Variants in NYAP2 observed in about 807,000 individuals in gnomAD.
NYAP2 encodes neuronal tyrosine-phosphorylated phosphoinositide-3-kinase adapter 2.
NYAP2 carries 23 observed loss-of-function variants against 50.4 expected under a neutral mutation model. The observed-to-expected ratio is 0.46, with a 90% confidence interval of 0.33 to 0.65. The LOEUF (loss-of-function observed/expected upper bound fraction) is 0.65, where lower values mean the gene tolerates loss of function less well. Among genes scored for constraint, NYAP2 ranks in the 30% least tolerant of loss-of-function variants. NYAP2 has a pLI of 0.02. For missense variants in NYAP2, 885 were observed against 861.0 expected, an observed-to-expected ratio of 1.03 and a Z score of -0.35; for synonymous variants, 394 against 365.2, an observed-to-expected ratio of 1.08 and a Z score of -0.90.
intron 3 of NYAP2, among the ~76,000 whole-genome samples, chr2:225,424,481 G>A (rs374739753): frequency 2.0e-5 from 3 of 151,352 alleles, no homozygotes; most frequent in African/African-American, 7.3e-5. Context: ...TTTTAATATT[G>A]GCTTTTGAGA....
At chr2:225,618,071 G>C (rs1481826790) in intron 5 of NYAP2, among the ~76,000 whole-genome samples, 1 of 152,214 alleles carries the variant, frequency 6.6e-6, no homozygotes, top group African/African-American at 2.4e-5. Context: ...GGAAGGCATA[G>C]GGTGGCCCAT....
chr2:225,582,361 C>A lies in NYAP2; in HGVS notation c.944C>A (p.Pro315His), dbSNP rs190060915. The change falls in exon 5 of 7, where the codon CCC becomes CAC. Residue 315 changes from proline to histidine, a missense_variant. Transcript: ENST00000636099. This position sits in a 1 kb window ranked among gnomAD's most constrained non-coding sequence, Gnocchi z 7.0. ...GCCAAGGCCTCAGTGCCATGCCCCC[C>A]CAAGGGGCTGCTTTGCGACATCCCT... 4.2e-5 allele frequency: 67 copies of A among 1,612,620 alleles called. No individual in the cohort carries two copies. Among genetic ancestry groups the A allele is most frequent in the East Asian group, 2.0e-4 (9 of 44,826 alleles).
At chr2:225,618,382 T>C (rs1693025909) in intron 5 of NYAP2, among the ~76,000 whole-genome samples, 1 of 152,198 alleles carries the variant, frequency 6.6e-6, no homozygotes. Context: ...GGGCTTACAA[T>C]AAATAGGACA....
At chr2:225,673,071 A>G in the NYAP2 span, among the ~76,000 whole-genome samples, 11 of 152,068 alleles carry the variant, frequency 7.2e-5, no homozygotes, top group East Asian at 3.9e-4. Context: ...GAGGCCTCAC[A>G]ATCATGGTGG....
chr2:225,409,139 T>A lies in NYAP2; in HGVS notation c.221+38T>A, dbSNP rs781062981. The A allele has an allele frequency of 1.8e-5, 26 of 1,443,536 alleles. No individual in the cohort carries two copies. In the African/African-American group the frequency reaches 2.8e-4, roughly 16 times the overall value. The allele number at this position is 1,443,536 out of a possible 1,614,324, so 89.4% of individuals were successfully genotyped here. On this transcript the variant is annotated intron_variant, in intron 3 of 6. Transcript: ENST00000636099. ...AAAATTATTTTGAGTTTTGTGCACATGAGAAAGTCCATGAGGGCTGCTAAA... is the reference window on the plus strand; with the variant it reads ...AAAATTATTTTGAGTTTTGTGCACAAGAGAAAGTCCATGAGGGCTGCTAAA...
intron 3 of NYAP2, among the ~76,000 whole-genome samples, chr2:225,512,273 A>G (rs970032578): frequency 1.3e-5 from 2 of 152,178 alleles, no homozygotes; most frequent in South Asian, 2.1e-4. Flanking sequence ...CTTTGCATAC[A>G]CTGAATATTT....
chr2:225,684,531 T>C, the NYAP2 span, among the ~76,000 whole-genome samples: 2 of 151,894 alleles, frequency 1.3e-5, no homozygotes, highest in African/African-American at 2.4e-5. Context: ...TTTTCCACCT[T>C]GGTTCAAAAA....
At chr2:225,666,657 T>G in the NYAP2 span, among the ~76,000 whole-genome samples, 4 of 152,114 alleles carry the variant, frequency 2.6e-5, no homozygotes, top group African/African-American at 9.7e-5. Flanking sequence ...AGATAAAAGA[T>G]TGTGGAGACC....
chr2:225,690,819 G>A, the NYAP2 span, among the ~76,000 whole-genome samples: 11 of 152,034 alleles, frequency 7.2e-5, no homozygotes, highest in African/African-American at 2.2e-4. Context: ...TTGTAAGCCC[G>A]TGTGAATCAA....
chr2:225,649,322 C>T (rs749023600), intron 6 of NYAP2, among the ~76,000 whole-genome samples: 21 of 152,096 alleles, frequency 1.4e-4, no homozygotes, highest in African/African-American at 4.6e-4. Flanking sequence ...ACTTCTGGAT[C>T]GGTTGGAAAG....
At chr2:225,405,960 T>G (rs1411504548) in intron 2 of NYAP2, among the ~76,000 whole-genome samples, 1 of 151,908 alleles carries the variant, frequency 6.6e-6, no homozygotes, top group African/African-American at 2.4e-5. Flanking sequence ...TATCAAGGGG[T>G]TATATTATTA....
chr2:225,441,577 G>A (rs564039968), intron 3 of NYAP2, among the ~76,000 whole-genome samples: 17 of 152,242 alleles, frequency 1.1e-4, no homozygotes, highest in Admixed American at 3.9e-4. Flanking sequence ...TAATCATGGC[G>A]GAAGGCAAAG....
At chr2:225,570,843 T>C (rs183642573) in intron 4 of NYAP2, among the ~76,000 whole-genome samples, 633 of 152,240 alleles carry the variant, frequency 4.2e-3, no homozygotes, top group Non-Finnish European at 6.1e-3. Flanking sequence ...AAAGGCCAAG[T>C]CCAAAGTCTT....
At chr2:225,420,197 A>T (rs557160563) in intron 3 of NYAP2, among the ~76,000 whole-genome samples, 1 of 152,126 alleles carries the variant, frequency 6.6e-6, no homozygotes, top group Non-Finnish European at 1.5e-5. Context: ...ATAGCATGTG[A>T]TATTTTAAGT....
intron 5 of NYAP2, among the ~76,000 whole-genome samples, chr2:225,618,906 A>G (rs2106252180): frequency 6.6e-6 from 1 of 152,328 alleles, no homozygotes. Flanking sequence ...GCAAGAATAG[A>G]GCCATGATGT....
the NYAP2 span, among the ~76,000 whole-genome samples, chr2:225,680,414 A>G: frequency 6.6e-6 from 1 of 152,172 alleles, no homozygotes; most frequent in African/African-American, 2.4e-5. Flanking sequence ...ATGAATGCCA[A>G]GTATGGCACT....
chr2:225,551,875 C>A (rs1691684340), intron 4 of NYAP2, among the ~76,000 whole-genome samples: 1 of 152,114 alleles, frequency 6.6e-6, no homozygotes, highest in Non-Finnish European at 1.5e-5. Context: ...CGCAGTGGTG[C>A]CATCTCGGCT....
intron 4 of NYAP2, among the ~76,000 whole-genome samples, chr2:225,575,106 T>G (rs1174232365): frequency 6.6e-6 from 1 of 152,192 alleles, no homozygotes; most frequent in East Asian, 1.9e-4. Context: ...CTCTCCTTCG[T>G]TAGGTCCACA....
At chr2:225,404,869 A>G (rs1433292478) in intron 2 of NYAP2, among the ~76,000 whole-genome samples, 3 of 151,942 alleles carry the variant, frequency 2.0e-5, no homozygotes, top group Non-Finnish European at 4.4e-5. Context: ...GAGAGGGAGG[A>G]TGTAAAGGTA....
Sources: allele counts gnomAD v4.1 joint callset (sites outside exome capture counted in the v4.1 genomes callset), GRCh38; gene constraint gnomAD v4.1.1; non-coding constraint Gnocchi (gnomAD v3.1); transcripts MANE v1.5; gene names NCBI Gene and HGNC (gene_info 2026-07-23, HGNC 2026-07-21).